Variants in ADAMTS9 observed in about 807,000 individuals in gnomAD.
The protein encoded by ADAMTS9 is A disintegrin and metalloproteinase with thrombospondin motifs 9.
In ADAMTS9, 107 loss-of-function variants were observed where a neutral mutation model predicts 257.1. That is an observed-to-expected ratio of 0.42 (90% CI 0.36 to 0.49). The LOEUF (loss-of-function observed/expected upper bound fraction) is 0.49. Ranked by LOEUF, ADAMTS9 falls within the 20% of genes least tolerant of loss-of-function variation. The pLI is 0.03. For missense variants in ADAMTS9, 2,353 were observed against 2,469.1 expected, an observed-to-expected ratio of 0.95 and a Z score of 1.00; for synonymous variants, 982 against 880.9, an observed-to-expected ratio of 1.11 and a Z score of -2.03.
At chr3:64,648,549 A>C (rs1378721262) in intron 10 of ADAMTS9, among the ~76,000 whole-genome samples, 1 of 152,220 alleles carries the variant, frequency 6.6e-6, no homozygotes, top group Non-Finnish European at 1.5e-5. Context: ...TTCAGGGCAC[A>C]ATTTTAAAAG....
chr3:64,687,694 C>G lies in ADAMTS9; in HGVS notation c.-37G>C, dbSNP rs763366133. 1.9e-5 allele frequency: 28 copies of G among 1,437,486 alleles called. No homozygotes were observed. The highest frequency in any genetic ancestry group is 2.8e-5 in the East Asian group (1 of 35,548). 89.0% of individuals were successfully genotyped at this position (1,437,486 alleles called of 1,614,324 possible). A position where few individuals can be genotyped will look rare whatever the true frequency, so the allele number is the denominator to read the frequency against. On this transcript the variant is annotated 5_prime_UTR_variant, in exon 1 of 40. Coordinates refer to ENST00000498707, the MANE Select transcript of ADAMTS9 (RefSeq NM_182920.2). This position sits in a 1 kb window ranked among gnomAD's most constrained non-coding sequence, Gnocchi z 4.4. The stretch of plus-strand genomic sequence containing the variant: ...CCCCTCCCTCCGCTGCCCCCACCCC[C>G]CTCCCTCCTGCCCTCCTTGGCTGCG...
At chr3:64,677,904 T>C (rs574659817) in intron 3 of ADAMTS9, among the ~76,000 whole-genome samples, 18 of 152,334 alleles carry the variant, frequency 1.2e-4, no homozygotes, top group South Asian at 6.2e-4. Flanking sequence ...GTAGACTCCT[T>C]TCTAAACCCA....
chr3:64,603,849 C>T, intron 25 of ADAMTS9, 73 bp downstream of exon 25: 2 of 1,510,398 alleles, frequency 1.3e-6, no homozygotes, highest in South Asian at 1.2e-5. Context: ...AAGTGGCGCC[C>T]CCCTCCGCTG....
At position 64,686,787 on chromosome 3, in the gene ADAMTS9, A is replaced by C. The variant is rs1250281043; in HGVS notation, c.297T>G (p.His99Gln). Residue 99 changes from histidine (H) to glutamine (Q), a missense_variant, in exon 2 of 40, where the codon CAT (histidine) becomes CAG (glutamine). Physicochemically the swap from His to Gln is conservative, Grantham distance 24 (BLOSUM62 0). This residue lies in a region of ADAMTS9 where 591 missense variants were observed against 569.6 expected (regional missense o/e 1.04). Transcript: ENST00000498707. The surrounding 1 kb of genome is among the most constrained non-coding windows in gnomAD (Gnocchi z 4.6). ...SSSSSTSSQA[H>Q]YRLSAFGQQF... ...GCTGGCCGAAGGCAGAGAGGCGGTA[A>C]TGCGCCTGGGAGGAGGTAGAGGAGG... 3 of 1,614,124 alleles carry C rather than the reference A, an allele frequency of 1.9e-6. No individual in the cohort carries two copies. In the Admixed American group the frequency reaches 5.0e-5, roughly 27 times the overall value.
At position 64,687,023 on chromosome 3, in the gene ADAMTS9, A is replaced by C. The variant is rs1576197039; in HGVS notation, c.116-55T>G. The C allele has an allele frequency of 6.4e-7, 1 of 1,553,222 alleles. No homozygotes were observed. Among genetic ancestry groups the C allele is most frequent in the Non-Finnish European group, 8.7e-7 (1 of 1,149,912 alleles). ...AATAATTCATTTTTCCTTAAGCTTTAATTTAAAACGAAGGTGGGGACTTTG... is the reference window on the plus strand; with the variant it reads ...AATAATTCATTTTTCCTTAAGCTTTCATTTAAAACGAAGGTGGGGACTTTG... On this transcript the variant is annotated intron_variant, in intron 1 of 39. Transcript: ENST00000498707. This position sits in a 1 kb window ranked among gnomAD's most constrained non-coding sequence, Gnocchi z 4.4.
intron 37 of ADAMTS9, among the ~76,000 whole-genome samples, chr3:64,533,955 G>A (rs543250127): frequency 1.3e-5 from 2 of 152,304 alleles, no homozygotes; most frequent in South Asian, 2.1e-4. Context: ...AGACGGTGCA[G>A]CAGAAAGACC....
rs1164217901 is a variant in ADAMTS9 at position 64,633,548 on chromosome 3, T to C, written c.2099A>G (p.Gln700Arg). The change falls in exon 14 of 40, where the codon CAG becomes CGG. Residue 700 changes from glutamine to arginine, a missense_variant. Gln to Arg is a conservative substitution (Grantham distance 43). This residue lies in a region of ADAMTS9 where 360 missense variants were observed against 458.1 expected (regional missense o/e 0.79). Transcript: ENST00000498707. ...CRVAGNTAYYQLRDRVIDGTP... is the reference protein window; with the variant it reads ...CRVAGNTAYYRLRDRVIDGTP... Reference sequence around the variant, plus strand: ...TCCATCTATCACTCTGTCTCGAAGCTGATAGTAGGCTGTGTTCCCTGCCAC... The same window carrying C: ...TCCATCTATCACTCTGTCTCGAAGCCGATAGTAGGCTGTGTTCCCTGCCAC... 3 of 1,613,976 alleles carry C rather than the reference T, an allele frequency of 1.9e-6. No individual in the cohort carries two copies. The highest frequency in any genetic ancestry group is 2.5e-6 in the Non-Finnish European group (3 of 1,180,014).
intron 3 of ADAMTS9, 52 bp from the exon 4 acceptor site, chr3:64,658,843 A>G: frequency 6.6e-7 from 1 of 1,524,694 alleles, no homozygotes; most frequent in Non-Finnish European, 8.9e-7. Context: ...TCTATTTTAT[A>G]TTAAGAATTT....
chr3:64,675,435 AG>A (rs1701602731), intron 3 of ADAMTS9, among the ~76,000 whole-genome samples: 1 of 152,148 alleles, frequency 6.6e-6, no homozygotes, highest in African/African-American at 2.4e-5. Flanking sequence ...CTGTAATCCC[AG>A]GGAGATTCTG....
chr3:64,532,514 C>T (rs1207770338), intron 38 of ADAMTS9, among the ~76,000 whole-genome samples: 3 of 152,090 alleles, frequency 2.0e-5, no homozygotes, highest in Non-Finnish European at 4.4e-5. Flanking sequence ...ATCTGCACAG[C>T]ACAGTGTTTC....
intron 38 of ADAMTS9, among the ~76,000 whole-genome samples, chr3:64,531,861 C>T (rs1327028555): frequency 4.6e-5 from 7 of 152,300 alleles, no homozygotes; most frequent in African/African-American, 9.6e-5. Flanking sequence ...TGAGATGGGA[C>T]GGGAGAAATG....
intron 11 of ADAMTS9, among the ~76,000 whole-genome samples, chr3:64,646,761 A>G (rs1378445127): frequency 2.0e-5 from 3 of 152,208 alleles, no homozygotes; most frequent in Non-Finnish European, 2.9e-5. Context: ...CTCTTTGACC[A>G]GCAGAAACTA....
intron 38 of ADAMTS9, 36 bp from the exon 39 acceptor site, chr3:64,522,296 G>A (rs1328099213): frequency 1.3e-6 from 2 of 1,594,774 alleles, no homozygotes; most frequent in South Asian, 1.1e-5. Flanking sequence ...CTGCCTGCTT[G>A]GTTAATGCTT....
At chr3:64,611,848 CT>C (rs1443156601) in intron 22 of ADAMTS9, among the ~76,000 whole-genome samples, 4 of 152,088 alleles carry the variant, frequency 2.6e-5, no homozygotes, top group Non-Finnish European at 2.9e-5. Context: ...ACAAGGTTTC[CT>C]TTTGGGGTGA....
chr3:64,622,825 T>A (rs1046793749), intron 16 of ADAMTS9, among the ~76,000 whole-genome samples: 21 of 152,270 alleles, frequency 1.4e-4, no homozygotes, highest in African/African-American at 5.1e-4. Flanking sequence ...CCTACTCCCT[T>A]GTGGTATCTG....
chr3:64,535,620 T>C (rs2083040206), intron 37 of ADAMTS9, among the ~76,000 whole-genome samples: 1 of 150,960 alleles, frequency 6.6e-6, no homozygotes, highest in African/African-American at 2.4e-5. Context: ...GTCGCATAAT[T>C]TTGGCTCACT....
chr3:64,649,540 G>C (rs912567955), intron 10 of ADAMTS9, 97 bp downstream of exon 10: 19 of 1,387,138 alleles, frequency 1.4e-5, no homozygotes, highest in Middle Eastern at 3.7e-4. Flanking sequence ...CTTTTCCTTG[G>C]GTAGTTTATA....
intron 4 of ADAMTS9, among the ~76,000 whole-genome samples, chr3:64,656,614 GT>G (rs1195136186): frequency 2.0e-5 from 3 of 152,118 alleles, no homozygotes; most frequent in African/African-American, 7.2e-5. Context: ...CAAAGTCCAT[GT>G]TCATAATCAA....
rs544763293 is a variant in ADAMTS9 at position 64,620,865 on chromosome 3, A to G, written c.2813+249T>C. Among the ~76,000 whole-genome samples the G allele has an allele frequency of 3.8e-4, 58 of 152,342 alleles. 1 individual carries two copies. The highest frequency in any genetic ancestry group is 2.5e-3 in the Admixed American group (38 of 15,300). ...CCTACCCAGCAAGTTGTGAGGATCA[A>G]CTGAATTTTTTTTGGCAAGTGCCAT... On this transcript the variant is annotated intron_variant, in intron 19 of 39. Transcript: ENST00000498707.
Sources: allele counts gnomAD v4.1 joint callset (sites outside exome capture counted in the v4.1 genomes callset), GRCh38; gene constraint gnomAD v4.1.1; regional missense constraint gnomAD v4.1.1; non-coding constraint Gnocchi (gnomAD v3.1); transcripts MANE v1.5; gene names NCBI Gene and HGNC (gene_info 2026-07-23, HGNC 2026-07-21).